PEX11G: variants seen among roughly 807,000 people sequenced by gnomAD.
The protein encoded by PEX11G is peroxisomal membrane protein 11C.
Under a neutral mutation model 22.5 loss-of-function variants are expected in PEX11G, and 20 were observed. The ratio of observed to expected loss-of-function variants is 0.89; its 90% CI spans 0.62 to 1.29. The LOEUF (loss-of-function observed/expected upper bound fraction) is 1.29. Among genes scored for constraint, PEX11G ranks in the 50% most tolerant of loss-of-function variants. PEX11G has a pLI of 0.00. For missense variants in PEX11G, 347 were observed against 331.3 expected (o/e 1.05, Z -0.37); for synonymous variants, 141 against 154.5 (o/e 0.91, Z 0.65).
upstream of PEX11G, chr19:7,489,356 A>G: frequency 2.7e-6 from 3 of 1,091,442 alleles, no homozygotes; most frequent in South Asian, 7.1e-5. Flanking sequence ...ACCTGTTCGC[A>G]GTGGTTCAAG....
At chr19:7,484,875 T>C (rs1181994671) in intron 2 of PEX11G, among the ~76,000 whole-genome samples, 1 of 152,188 alleles carries the variant, frequency 6.6e-6, no homozygotes, top group Non-Finnish European at 1.5e-5. Context: ...TATATCCTCC[T>C]TTGGAATGTG....
upstream of PEX11G, among the ~76,000 whole-genome samples, chr19:7,490,569 G>T (rs191696026): frequency 7.3e-6 from 1 of 136,738 alleles, no homozygotes; most frequent in East Asian, 2.2e-4. Context: ...TTGATCTCCT[G>T]ACCTCGTGAT....
At chr19:7,481,113 C>G (rs967523990) in intron 3 of PEX11G, among the ~76,000 whole-genome samples, 1 of 152,140 alleles carries the variant, frequency 6.6e-6, no homozygotes, top group Non-Finnish European at 1.5e-5. Flanking sequence ...TCAGCAGAGT[C>G]ATGACCCCTT....
upstream of PEX11G, chr19:7,489,513 C>G: frequency 3.0e-6 from 3 of 985,754 alleles, no homozygotes; most frequent in Non-Finnish European, 3.6e-6. Context: ...AAGAATTGTT[C>G]TAGAATACAT....
At chr19:7,486,209 C>T (rs1448412234) in intron 1 of PEX11G, among the ~76,000 whole-genome samples, 183 bp from the exon 2 acceptor site, 1 of 152,198 alleles carries the variant, frequency 6.6e-6, no homozygotes, top group Non-Finnish European at 1.5e-5. Context: ...TCACCGCAGC[C>T]TCCATCTCCC....
At position 7,477,054 on chromosome 19, in the gene PEX11G, ACCTCGCATCAGTC is replaced by A; in HGVS notation, c.*135_*147del. Reference sequence around the variant, plus strand: ...GGAGCTCCAGGCTGAGGCCTGGGGGACCTCGCATCAGTCCCTCCACCCACCCTGCCCATGGGTT... The same window carrying A: ...GGAGCTCCAGGCTGAGGCCTGGGGGACCTCCACCCACCCTGCCCATGGGTT... On this transcript the variant is annotated 3_prime_UTR_variant, in exon 5 of 5. Coordinates refer to ENST00000221480, the MANE Select transcript of PEX11G (RefSeq NM_080662.4). 1.6e-6 allele frequency: 1 copy of A among 637,538 alleles called. No individual in the cohort carries two copies. Among genetic ancestry groups the A allele is most frequent in the Non-Finnish European group, 2.3e-6 (1 of 425,662 alleles). 39.5% of individuals were successfully genotyped at this position (637,538 alleles called of 1,614,324 possible).
chr19:7,490,340 A>G (rs994892258), upstream of PEX11G, among the ~76,000 whole-genome samples: 8 of 149,112 alleles, frequency 5.4e-5, no homozygotes, highest in Admixed American at 1.3e-4. Flanking sequence ...TTTTTTTTTT[A>G]GACGGAGCCT....
At chr19:7,479,918 G>C (rs1186223805) in intron 3 of PEX11G, among the ~76,000 whole-genome samples, 1 of 152,160 alleles carries the variant, frequency 6.6e-6, no homozygotes, top group African/African-American at 2.4e-5. Context: ...GTATATGGGA[G>C]CTCTCTGAAC....
At position 7,482,160 on chromosome 19, in the gene PEX11G, G is replaced by A; in HGVS notation, c.301C>T (p.Gln101Ter). Residue 101 changes from glutamine to a stop codon, truncating the protein, a stop_gained, in exon 3 of 5, where the codon CAG (glutamine) becomes TAG (stop). Coordinates refer to ENST00000221480, the MANE Select transcript of PEX11G (RefSeq NM_080662.4). LOFTEE classifies it high-confidence loss of function. ...CVSVLGNLAD[Q>*]LYYPCEHVAW... Reference sequence around the variant, plus strand: ...ACGTGCTCACAGGGGTAGTAGAGCTGGTCAGCCAGGTTCCCTAGGACGGAG... The same window carrying A: ...ACGTGCTCACAGGGGTAGTAGAGCTAGTCAGCCAGGTTCCCTAGGACGGAG... The A allele has an allele frequency of 1.9e-6, 3 of 1,588,496 alleles. No homozygotes were observed. Among genetic ancestry groups the A allele is most frequent in the Non-Finnish European group, 2.6e-6 (3 of 1,167,992 alleles).
At chr19:7,484,724 G>C (rs958081759) in intron 2 of PEX11G, among the ~76,000 whole-genome samples, 2 of 151,056 alleles carry the variant, frequency 1.3e-5, no homozygotes, top group African/African-American at 4.9e-5. Context: ...AGTGAGCCGA[G>C]ATCACGCCAC....
At chr19:7,481,953 G>A (rs1037380749) in intron 3 of PEX11G, 80 bp downstream of exon 3, 26 of 1,385,130 alleles carry the variant, frequency 1.9e-5, no homozygotes, top group Non-Finnish European at 2.3e-5. Flanking sequence ...AGCCTGTGCT[G>A]TTGCTGGGGC....
chr19:7,489,016 C>T lies in PEX11G; in HGVS notation c.-6G>A, dbSNP rs1356360103. 1.3e-6 allele frequency: 2 copies of T among 1,519,170 alleles called. No homozygotes were observed. Among genetic ancestry groups the T allele is most frequent in the East Asian group, 2.7e-5 (1 of 37,614 alleles). 94.1% of individuals were successfully genotyped at this position (1,519,170 alleles called of 1,614,324 possible). A position where few individuals can be genotyped will look rare whatever the true frequency, so the allele number is the denominator to read the frequency against. On this transcript the variant is annotated 5_prime_UTR_variant, in exon 1 of 5. Coordinates refer to ENST00000221480, the MANE Select transcript of PEX11G (RefSeq NM_080662.4). ...AGGCCGCTCAGCGACGCCATGGCAA[C>T]TCCGTGACGTCACCGCGACGTCGGC...
chr19:7,487,396 G>A (rs1156376653), intron 1 of PEX11G, among the ~76,000 whole-genome samples: 1 of 152,160 alleles, frequency 6.6e-6, no homozygotes. Context: ...TAGGTGATGT[G>A]GAGCCTTCTG....
chr19:7,490,822 A>G (rs1449406015), upstream of PEX11G, among the ~76,000 whole-genome samples: 3 of 151,094 alleles, frequency 2.0e-5, no homozygotes, highest in South Asian at 2.1e-4. Context: ...AAAAAGGGGT[A>G]GAGTGCAGCG....
At chr19:7,485,139 AAAGC>A (rs1195645025) in intron 2 of PEX11G, among the ~76,000 whole-genome samples, 47 of 151,910 alleles carry the variant, frequency 3.1e-4, no homozygotes, top group African/African-American at 1.0e-3. Flanking sequence ...CCTGTATGAC[AAAGC>A]AAGACCCTGT....
chr19:7,486,093 A>C, intron 1 of PEX11G, 67 bp from the exon 2 acceptor site: 3 of 1,389,644 alleles, frequency 2.2e-6, no homozygotes, highest in Admixed American at 2.2e-5. Flanking sequence ...ATCCCCCCAT[A>C]CCTGGCCCCG....
chr19:7,491,079 C>T (rs147935053), upstream of PEX11G: 1,253 of 151,760 alleles, frequency 8.3e-3, 8 homozygotes, highest in Non-Finnish European at 0.014. Flanking sequence ...ACCGCACCCG[C>T]CCTTCTTAAT....
chr19:7,492,373 G>T (rs1297573564), upstream of PEX11G, among the ~76,000 whole-genome samples: 5 of 152,122 alleles, frequency 3.3e-5, no homozygotes, highest in East Asian at 7.7e-4. Context: ...GGTGTGACGT[G>T]CCACCCCATT....
chr19:7,494,503 C>T (rs1568386403), intron 1 of PEX11G, among the ~76,000 whole-genome samples: 1 of 152,234 alleles, frequency 6.6e-6, no homozygotes, highest in African/African-American at 2.4e-5. Context: ...CTCTCAGGCC[C>T]AAGAGCCTTG....
Sources: gnomAD v4.1 joint callset for allele counts (sites outside exome capture counted in the v4.1 genomes callset) on GRCh38, gnomAD v4.1.1 for gene constraint, MANE v1.5 for transcripts, NCBI Gene and HGNC (gene_info 2026-07-23, HGNC 2026-07-21) for gene names.